The following SH3D19 variants were observed in gnomAD, a reference collection of about 807,000 sequenced individuals.
SH3D19 encodes SH3 domain-containing protein 19.
A neutral mutation model predicts 112.1 loss-of-function variants in SH3D19; 58 were observed. The ratio of observed to expected loss-of-function variants is 0.52; its 90% CI spans 0.42 to 0.64. SH3D19 has a LOEUF of 0.64. SH3D19 is among the 30% of genes least tolerant of loss of function. The probability of loss-of-function intolerance (pLI) is 0.00; values close to 1 mark genes in which losing one functional copy is unlikely to be tolerated. For missense variants in SH3D19, 1,090 were observed against 1,263.4 expected (o/e 0.86, Z 2.08); for synonymous variants, 391 against 448.5 (o/e 0.87, Z 1.62).
intron 2 of SH3D19, among the ~76,000 whole-genome samples, chr4:151,208,354 C>A (rs1449851833): frequency 6.6e-6 from 1 of 152,116 alleles, no homozygotes; most frequent in Non-Finnish European, 1.5e-5. Context: ...TAAATATTTC[C>A]CTGCAATAAA....
At chr4:151,141,794 T>C (rs1753040561) in intron 12 of SH3D19, among the ~76,000 whole-genome samples, 1 of 152,202 alleles carries the variant, frequency 6.6e-6, no homozygotes, top group African/African-American at 2.4e-5. Context: ...TTGGAAAAAA[T>C]GATGTCAGAG....
At chr4:151,260,122 T>C (rs964345191) in intron 1 of SH3D19, among the ~76,000 whole-genome samples, 1 of 152,260 alleles carries the variant, frequency 6.6e-6, no homozygotes, top group African/African-American at 2.4e-5. Context: ...ACAAGTATAA[T>C]TTCTGTTATA....
chr4:151,253,333 C>G (rs1021519036), intron 1 of SH3D19, among the ~76,000 whole-genome samples: 5 of 152,218 alleles, frequency 3.3e-5, no homozygotes, highest in African/African-American at 1.2e-4. Flanking sequence ...CATTTCCTCT[C>G]TTACCTCTCA....
At chr4:151,174,419 G>A (rs1759576206) in intron 7 of SH3D19, among the ~76,000 whole-genome samples, 1 of 152,124 alleles carries the variant, frequency 6.6e-6, no homozygotes, top group Admixed American at 6.6e-5. Context: ...CGATGCATGT[G>A]TCTCCCCATT....
intron 1 of SH3D19, among the ~76,000 whole-genome samples, chr4:151,298,074 G>C (rs555298007): frequency 6.6e-6 from 1 of 152,190 alleles, no homozygotes; most frequent in Non-Finnish European, 1.5e-5. Flanking sequence ...GCAAAAACAG[G>C]ATTCTCCCCT....
chr4:151,164,973 C>T (rs1201765600), intron 8 of SH3D19, among the ~76,000 whole-genome samples: 2 of 152,174 alleles, frequency 1.3e-5, no homozygotes, highest in Non-Finnish European at 2.9e-5. Flanking sequence ...ATGCTGATTG[C>T]AATAATATAC....
intron 12 of SH3D19, among the ~76,000 whole-genome samples, chr4:151,142,853 A>T (rs1347703143): frequency 6.6e-6 from 1 of 152,236 alleles, no homozygotes; most frequent in Non-Finnish European, 1.5e-5. Flanking sequence ...TATCACCAAT[A>T]GCTGCCCATC....
At chr4:151,228,059 C>G in intron 1 of SH3D19, 1 of 985,174 alleles carries the variant, frequency 1.0e-6, no homozygotes, top group African/African-American at 1.7e-5. Flanking sequence ...TTGGTTAAAA[C>G]AGGAAATTCT....
intron 2 of SH3D19, among the ~76,000 whole-genome samples, chr4:151,205,337 T>C (rs1389020884): frequency 2.0e-5 from 3 of 152,216 alleles, no homozygotes; most frequent in Admixed American, 6.5e-5. Flanking sequence ...CACTTGAAGA[T>C]TGTTTGCTGG....
chr4:151,263,309 G>T (rs113752696), intron 1 of SH3D19, among the ~76,000 whole-genome samples: 41 of 152,232 alleles, frequency 2.7e-4, no homozygotes, highest in Middle Eastern at 3.4e-3. Flanking sequence ...AAGATGCTGG[G>T]GTCCAGAGGT....
At chr4:151,138,918 C>G (rs570161602) in intron 13 of SH3D19, among the ~76,000 whole-genome samples, 11 of 152,224 alleles carry the variant, frequency 7.2e-5, no homozygotes, top group Admixed American at 4.6e-4. Context: ...ACCTCTGCCT[C>G]CCAGGTTCAA....
At chr4:151,316,538 T>C (rs1729999826) in intron 1 of SH3D19, among the ~76,000 whole-genome samples, 1 of 152,166 alleles carries the variant, frequency 6.6e-6, no homozygotes, top group Non-Finnish European at 1.5e-5. Context: ...TCTTCACAAT[T>C]TTTCTGTTAC....
At chr4:151,299,718 C>T (rs2126320972) in intron 1 of SH3D19, among the ~76,000 whole-genome samples, 1 of 151,846 alleles carries the variant, frequency 6.6e-6, no homozygotes, top group South Asian at 2.1e-4. Context: ...ATATGAAAGA[C>T]CTCAAGGAGA....
At chr4:151,215,608 G>T (rs1341098047) in intron 2 of SH3D19, among the ~76,000 whole-genome samples, 1 of 152,176 alleles carries the variant, frequency 6.6e-6, no homozygotes, top group East Asian at 1.9e-4. Context: ...AAATGTTGCT[G>T]CATTTAGAAG....
intron 3 of SH3D19, among the ~76,000 whole-genome samples, 166 bp downstream of exon 3, chr4:151,187,257 T>C (rs1580039590): frequency 6.6e-6 from 1 of 152,248 alleles, no homozygotes; most frequent in East Asian, 1.9e-4. Context: ...TATCAATAAA[T>C]ATAGGCTGAA....
intron 1 of SH3D19, chr4:151,227,670 C>G (rs1309930029): frequency 1.2e-6 from 1 of 838,070 alleles, no homozygotes; most frequent in South Asian, 5.5e-5. Flanking sequence ...CTGCTAGCTT[C>G]GCTACAAAAA....
intron 1 of SH3D19, among the ~76,000 whole-genome samples, chr4:151,255,248 G>C (rs1771769700): frequency 6.6e-6 from 1 of 150,566 alleles, no homozygotes; most frequent in African/African-American, 2.4e-5. Flanking sequence ...CTGCCGGGCG[G>C]AGGGGCTCCT....
intron 1 of SH3D19, among the ~76,000 whole-genome samples, chr4:151,234,862 G>A (rs1769914374): frequency 7.1e-6 from 1 of 141,740 alleles, no homozygotes; most frequent in African/African-American, 2.6e-5. Context: ...ATCCCACCTC[G>A]CCTCCCCAGT....
chr4:151,192,976 A>G (rs897063049), intron 2 of SH3D19, among the ~76,000 whole-genome samples: 3 of 150,160 alleles, frequency 2.0e-5, no homozygotes, highest in Non-Finnish European at 4.4e-5. Context: ...TTTTTTTTTA[A>G]TCACACATTC....
Sources: allele counts gnomAD v4.1 joint callset (sites outside exome capture counted in the v4.1 genomes callset), GRCh38; gene constraint gnomAD v4.1.1; transcripts MANE v1.5; gene names NCBI Gene and HGNC (gene_info 2026-07-23, HGNC 2026-07-21).